CHST8: variants seen among roughly 807,000 people sequenced by gnomAD.
The protein encoded by CHST8 is carbohydrate sulfotransferase 8.
In CHST8, 10 loss-of-function variants were observed where a neutral mutation model predicts 15.0. That is an observed-to-expected ratio of 0.67 (90% CI 0.41 to 1.13). The LOEUF is 1.13. CHST8 is among the 50% of genes most tolerant of loss of function. The pLI is 0.00. For missense variants in CHST8, 634 were observed against 608.2 expected (o/e 1.04, Z -0.45); for synonymous variants, 259 against 256.6 (o/e 1.01, Z -0.09).
chr19:33,633,774 CGTGTGTGTGT>C (rs55655047), intron 1 of CHST8, among the ~76,000 whole-genome samples: 10,911 of 141,120 alleles, frequency 0.077, 990 homozygotes, highest in African/African-American at 0.23. Context: ...TTTTCTTTTT[CGTGTGTGTGT>C]GTGTGTGTGT....
At chr19:33,762,817 C>A (rs1356176071) in intron 3 of CHST8, among the ~76,000 whole-genome samples, 3 of 151,844 alleles carry the variant, frequency 2.0e-5, no homozygotes, top group Non-Finnish European at 4.4e-5. Context: ...GGTCAAGGCA[C>A]TTGTCCAAGG....
chr19:33,721,745 G>T (rs1278352118), intron 3 of CHST8, among the ~76,000 whole-genome samples: 1 of 152,088 alleles, frequency 6.6e-6, no homozygotes, highest in Non-Finnish European at 1.5e-5. Flanking sequence ...TGGAAGGACG[G>T]ATAGATGGAT....
intron 3 of CHST8, among the ~76,000 whole-genome samples, chr19:33,691,245 G>T (rs1973095180): frequency 6.6e-6 from 1 of 152,178 alleles, no homozygotes; most frequent in African/African-American, 2.4e-5. Flanking sequence ...GGATCCTCAG[G>T]CTGGCAGGGG....
intron 3 of CHST8, among the ~76,000 whole-genome samples, chr19:33,709,054 C>T (rs1352229720): frequency 6.6e-6 from 1 of 152,078 alleles, no homozygotes; most frequent in Non-Finnish European, 1.5e-5. Context: ...TATAGAAATA[C>T]AATTGATTTT....
intron 2 of CHST8, among the ~76,000 whole-genome samples, chr19:33,678,286 T>G (rs1972836491): frequency 6.6e-6 from 1 of 152,160 alleles, no homozygotes; most frequent in Admixed American, 6.5e-5. Flanking sequence ...TCCAGGTCAT[T>G]TGAAGCCCCA....
chr19:33,717,517 G>A (rs752765097), intron 3 of CHST8, among the ~76,000 whole-genome samples: 37 of 152,240 alleles, frequency 2.4e-4, no homozygotes, highest in African/African-American at 6.5e-4. Context: ...CTCAAGAGTC[G>A]TGTGGTGGGG....
intron 1 of CHST8, among the ~76,000 whole-genome samples, chr19:33,639,086 C>CAAAAAA (rs34970478): frequency 1.4e-4 from 9 of 64,646 alleles, no homozygotes; most frequent in African/African-American, 2.0e-4. Context: ...TGATCCTGAC[C>CAAAAAA]AAAAAAAAAA....
intron 2 of CHST8, among the ~76,000 whole-genome samples, chr19:33,671,614 G>A (rs1972740124): frequency 1.3e-5 from 2 of 151,676 alleles, no homozygotes; most frequent in Admixed American, 1.3e-4. Flanking sequence ...CCCTTGCACA[G>A]CTGATTCCCT....
At chr19:33,680,732 C>G (rs1972875524) in intron 2 of CHST8, among the ~76,000 whole-genome samples, 1 of 152,214 alleles carries the variant, frequency 6.6e-6, no homozygotes, top group African/African-American at 2.4e-5. Context: ...ATTAAAGGCA[C>G]AGTCCCTTAA....
intron 3 of CHST8, among the ~76,000 whole-genome samples, chr19:33,711,921 C>T (rs1269894540): frequency 1.3e-5 from 2 of 152,120 alleles, no homozygotes; most frequent in Admixed American, 6.6e-5. Flanking sequence ...ATGTGAGCCA[C>T]CACACCCAGC....
At chr19:33,694,038 A>C (rs1470638687) in intron 3 of CHST8, among the ~76,000 whole-genome samples, 1 of 144,906 alleles carries the variant, frequency 6.9e-6, no homozygotes, top group East Asian at 2.0e-4. Context: ...TGGTTTATTC[A>C]TAGATATGTA....
At chr19:33,650,504 T>TTC (rs1484594154) in intron 1 of CHST8, among the ~76,000 whole-genome samples, 8 of 123,708 alleles carry the variant, frequency 6.5e-5, no homozygotes, top group African/African-American at 2.6e-4. Context: ...TCTTTTTCTT[T>TTC]TTCTTTTTCT....
chr19:33,728,325 G>T (rs1427734929), intron 3 of CHST8, among the ~76,000 whole-genome samples: 2 of 152,262 alleles, frequency 1.3e-5, no homozygotes, highest in Admixed American at 1.3e-4. Flanking sequence ...TGCAGATGCT[G>T]CTTTTGGGGC....
At chr19:33,719,366 T>C (rs1214382727) in intron 3 of CHST8, among the ~76,000 whole-genome samples, 1 of 152,130 alleles carries the variant, frequency 6.6e-6, no homozygotes, top group Non-Finnish European at 1.5e-5. Context: ...CTCTCTGTCC[T>C]TGCTGGGGAG....
chr19:33,639,249 C>T (rs111965055), intron 1 of CHST8, among the ~76,000 whole-genome samples: 73 of 151,840 alleles, frequency 4.8e-4, no homozygotes, highest in African/African-American at 1.6e-3. Flanking sequence ...AACCCGTGTA[C>T]GGGTAAATTA....
chr19:33,729,112 T>A (rs192941776), intron 3 of CHST8, among the ~76,000 whole-genome samples: 2 of 152,104 alleles, frequency 1.3e-5, no homozygotes, highest in Non-Finnish European at 2.9e-5. Context: ...CCCTGCAATT[T>A]AGTAATCCCA....
chr19:33,634,650 TG>T, intron 1 of CHST8, among the ~76,000 whole-genome samples: 1 of 133,594 alleles, frequency 7.5e-6, no homozygotes, highest in South Asian at 2.4e-4. Context: ...CTTCTAGGGC[TG>T]TTTTTTTTTT....
At chr19:33,743,416 C>T (rs1974240549) in intron 3 of CHST8, among the ~76,000 whole-genome samples, 1 of 151,796 alleles carries the variant, frequency 6.6e-6, no homozygotes, top group African/African-American at 2.4e-5. Flanking sequence ...ATTCTCCTGC[C>T]TCAGCCTCCC....
intron 3 of CHST8, among the ~76,000 whole-genome samples, chr19:33,704,249 T>C (rs990857355): frequency 5.9e-5 from 9 of 152,342 alleles, no homozygotes; most frequent in African/African-American, 2.2e-4. Context: ...AGGCTGCTCC[T>C]GGCATTCCTC....
Sources: gnomAD v4.1 joint callset for allele counts (sites outside exome capture counted in the v4.1 genomes callset) on GRCh38, gnomAD v4.1.1 for gene constraint, MANE v1.5 for transcripts, NCBI Gene and HGNC (gene_info 2026-07-23, HGNC 2026-07-21) for gene names.